CYFIP2: variants seen among roughly 807,000 people sequenced by gnomAD.
CYFIP2 encodes cytoplasmic FMR1-interacting protein 2.
In CYFIP2, 29 loss-of-function variants were observed where a neutral mutation model predicts 158.7. The ratio of observed to expected loss-of-function variants is 0.18; its 90% CI spans 0.14 to 0.25. The LOEUF (loss-of-function observed/expected upper bound fraction) is 0.25, where lower values mean the gene tolerates loss of function less well. Among genes scored for constraint, CYFIP2 ranks in the 10% least tolerant of loss-of-function variants. The probability of loss-of-function intolerance (pLI) is 1.00; values close to 1 mark genes in which losing one functional copy is unlikely to be tolerated. For synonymous variants in CYFIP2, 585 were observed against 617.6 expected, an observed-to-expected ratio of 0.95 and a Z score of 0.78; for missense variants, 852 against 1,639.5, an observed-to-expected ratio of 0.52 and a Z score of 8.29.
chr5:157,369,879 G>GTTTTGGTTTT (rs534240919), intron 26 of CYFIP2, among the ~76,000 whole-genome samples: 1 of 103,306 alleles, frequency 9.7e-6, no homozygotes, highest in Admixed American at 9.9e-5. Context: ...AATGGACCTA[G>GTTTTGGTTTT]TTTTTTTTTT....
At chr5:157,310,089 C>T (rs1285292523) in intron 10 of CYFIP2, among the ~76,000 whole-genome samples, 1 of 152,218 alleles carries the variant, frequency 6.6e-6, no homozygotes, top group Non-Finnish European at 1.5e-5. Context: ...CGCATGTCCT[C>T]TCAGCAGGAC....
chr5:157,387,318 G>T (rs904552576), intron 28 of CYFIP2, among the ~76,000 whole-genome samples: 2 of 152,184 alleles, frequency 1.3e-5, no homozygotes, highest in Non-Finnish European at 2.9e-5. Context: ...GAAAGCTCCT[G>T]TGTCATTCAA....
Position 157,393,123 on chromosome 5 carries a change from C to G in CYFIP2, c.*123C>G. 1 of 1,112,114 alleles carries G rather than the reference C, an allele frequency of 9.0e-7. No homozygotes were observed. Among genetic ancestry groups the G allele is most frequent in the Non-Finnish European group, 1.3e-6 (1 of 790,590 alleles). The allele number at this position is 1,112,114 out of a possible 1,614,324, so 68.9% of individuals were successfully genotyped here. A position where few individuals can be genotyped will look rare whatever the true frequency, so the allele number is the denominator to read the frequency against. On this transcript the variant is annotated 3_prime_UTR_variant, in exon 31 of 31. Coordinates refer to ENST00000620254, the MANE Select transcript of CYFIP2 (RefSeq NM_001037333.3). ...GGATGGACCTGGAAACAAGCACCTC[C>G]CCAAACACATCACCACTCCCTAGGG... is the stretch of plus-strand genomic sequence containing the variant.
chr5:157,309,681 G>A (rs1759543019), intron 9 of CYFIP2, 62 bp from the exon 10 acceptor site: 2 of 1,488,074 alleles, frequency 1.3e-6, no homozygotes, highest in Admixed American at 3.9e-5. Context: ...TGGGGTGGCA[G>A]CGAAGGCAGC....
chr5:157,348,820 T>C (rs1347805820), intron 23 of CYFIP2, among the ~76,000 whole-genome samples: 1 of 152,104 alleles, frequency 6.6e-6, no homozygotes, highest in African/African-American at 2.4e-5. Context: ...TCTGCAGCAA[T>C]GCATACAGCA....
At chr5:157,309,963 TGCCG>T in intron 10 of CYFIP2, 129 bp downstream of exon 10, 3 of 900,940 alleles carry the variant, frequency 3.3e-6, no homozygotes, top group Non-Finnish European at 5.1e-6. Flanking sequence ...AGAACACAGG[TGCCG>T]GCCGGAGGGG....
At chr5:157,268,015 A>G (rs575710293) in intron 1 of CYFIP2, among the ~76,000 whole-genome samples, 45 of 152,356 alleles carry the variant, frequency 3.0e-4, no homozygotes, top group African/African-American at 1.0e-3. Context: ...TTGAGCACCC[A>G]GTGTCCACTT....
chr5:157,319,999 T>G (rs1760462550), intron 14 of CYFIP2, 71 bp downstream of exon 14: 1 of 1,562,928 alleles, frequency 6.4e-7, no homozygotes, highest in Non-Finnish European at 8.7e-7. Context: ...GAGGATGTCC[T>G]GGCTCAGCCA....
chr5:157,286,604 T>C (rs1757413708), intron 2 of CYFIP2, among the ~76,000 whole-genome samples: 2 of 150,558 alleles, frequency 1.3e-5, no homozygotes, highest in Admixed American at 1.3e-4. Context: ...TTGATGGATA[T>C]GTAGGTTGTT....
intron 23 of CYFIP2, chr5:157,343,324 G>A (rs1320225870): frequency 6.2e-7 from 1 of 1,614,104 alleles, no homozygotes; most frequent in East Asian, 2.2e-5. Context: ...ACAGGAAGTA[G>A]AGAGTGGAAG....
At chr5:157,332,748 A>G (rs746254042) in intron 20 of CYFIP2, among the ~76,000 whole-genome samples, 5 of 152,172 alleles carry the variant, frequency 3.3e-5, no homozygotes, top group Non-Finnish European at 7.4e-5. Context: ...GGCTCAAGCT[A>G]TCTTCCCACC....
chr5:157,382,470 A>G, intron 26 of CYFIP2, 120 bp from the exon 27 acceptor site: 1 of 981,396 alleles, frequency 1.0e-6, no homozygotes, highest in Admixed American at 2.2e-5. Context: ...CACAGTGAGT[A>G]GAAGAGCCAG....
intron 1 of CYFIP2, among the ~76,000 whole-genome samples, chr5:157,281,589 G>A (rs749883906): frequency 2.0e-5 from 3 of 152,152 alleles, no homozygotes; most frequent in South Asian, 4.2e-4. Flanking sequence ...CACATCACTC[G>A]ATTTTAAAAT....
At chr5:157,366,449 G>A (rs1298437046) in intron 26 of CYFIP2, among the ~76,000 whole-genome samples, 1 of 152,174 alleles carries the variant, frequency 6.6e-6, no homozygotes, top group Non-Finnish European at 1.5e-5. Flanking sequence ...AACGCGTGAA[G>A]ATGGGCTATC....
intron 1 of CYFIP2, among the ~76,000 whole-genome samples, chr5:157,276,276 G>A (rs1215500978): frequency 6.6e-6 from 1 of 152,020 alleles, no homozygotes; most frequent in Non-Finnish European, 1.5e-5. Context: ...GTTTTTTGTG[G>A]CCACTTATTG....
chr5:157,305,082 T>C (rs897760756), intron 8 of CYFIP2, among the ~76,000 whole-genome samples: 6 of 152,252 alleles, frequency 3.9e-5, no homozygotes, highest in African/African-American at 1.4e-4. Flanking sequence ...TGCCATTATT[T>C]TGTTCCTTTT....
chr5:157,306,202 T>C (rs1759206239), intron 8 of CYFIP2, among the ~76,000 whole-genome samples: 1 of 152,206 alleles, frequency 6.6e-6, no homozygotes, highest in African/African-American at 2.4e-5. Context: ...TGCTCCTGTT[T>C]TACATGTCTT....
intron 23 of CYFIP2, among the ~76,000 whole-genome samples, chr5:157,346,902 C>A (rs73306218): frequency 0.017 from 2,530 of 152,244 alleles, 95 homozygotes; most frequent in African/African-American, 0.059. Flanking sequence ...TGCTTGCCTC[C>A]CCTTTTCTCA....
At position 157,392,896 on chromosome 5, in the gene CYFIP2, A is replaced by C; in HGVS notation, c.3658A>C (p.Ile1220Leu). ...GATCTTGAACAATGAGGTTTTTGCC[A>C]TCCTGAACAAATACATGAAGTCCGT... ...YQILNNEVFA[I>L]LNKYMKSVET... is the part of the protein sequence containing the mutation. The change falls in exon 31 of 31, where the codon ATC (isoleucine) becomes CTC (leucine). Residue 1220 changes from isoleucine (I) to leucine (L), a missense_variant. Physicochemically the swap from Ile to Leu is conservative, Grantham distance 5. Around this residue, in one of 8 missense-constraint regions of CYFIP2, gnomAD observed 223 missense variants for 381.6 expected, o/e 0.58. Coordinates refer to ENST00000620254, the MANE Select transcript of CYFIP2 (RefSeq NM_001037333.3). 2 of 1,613,982 alleles carry C rather than the reference A, an allele frequency of 1.2e-6. No homozygotes were observed. The highest frequency in any genetic ancestry group is 8.5e-7 in the Non-Finnish European group (1 of 1,179,880).
Sources: allele counts gnomAD v4.1 joint callset (sites outside exome capture counted in the v4.1 genomes callset), GRCh38; gene constraint gnomAD v4.1.1; regional missense constraint gnomAD v4.1.1; transcripts MANE v1.5; gene names NCBI Gene and HGNC (gene_info 2026-07-23, HGNC 2026-07-21).